Variants in CD5L observed in about 807,000 individuals in gnomAD.
The protein encoded by CD5L is CD5 antigen-like.
Under a neutral mutation model 40.8 loss-of-function variants are expected in CD5L, and 39 were observed. The ratio of observed to expected loss-of-function variants is 0.96; its 90% CI spans 0.74 to 1.25. The LOEUF is 1.25. Ranked by LOEUF, CD5L falls within the 50% of genes most tolerant of loss-of-function variation. The probability of loss-of-function intolerance (pLI) is 0.00; values close to 1 mark genes in which losing one functional copy is unlikely to be tolerated. For missense variants in CD5L, 433 were observed against 435.9 expected (o/e 0.99, Z 0.06); for synonymous variants, 192 against 169.6 (o/e 1.13, Z -1.03).
At chr1:157,840,694 A>G (rs2101942066) in intron 1 of CD5L, among the ~76,000 whole-genome samples, 1 of 152,332 alleles carries the variant, frequency 6.6e-6, no homozygotes, top group Admixed American at 6.5e-5. Context: ...GCAGGTGCAA[A>G]CGTGATATAG....
chr1:157,831,280 A>AT lies in CD5L; in HGVS notation c.*683dup. The AT allele has an allele frequency of 3.0e-6, 3 of 985,364 alleles. No homozygotes were observed. Among genetic ancestry groups the AT allele is most frequent in the Non-Finnish European group, 3.6e-6 (3 of 829,904 alleles). 61.0% of individuals were successfully genotyped at this position (985,364 alleles called of 1,614,324 possible). A position where few individuals can be genotyped will look rare whatever the true frequency, so the allele number is the denominator to read the frequency against. On this transcript the variant is annotated 3_prime_UTR_variant, in exon 6 of 6. Transcript: ENST00000368174. ...GGTTGTATAGGGATGGACAACAAAG[A>AT]TTTTTATTGGGGCAATCAGAGGATG...
At chr1:157,834,033 G>A (rs1363772602) in intron 4 of CD5L, among the ~76,000 whole-genome samples, 2 of 151,948 alleles carry the variant, frequency 1.3e-5, no homozygotes, top group Non-Finnish European at 2.9e-5. Flanking sequence ...TGTCCAGGTC[G>A]ACTTCTCTCA....
rs1656139288 is a variant in CD5L, at chr1:157,834,467, A to C, written c.658T>G (p.Ser220Ala). 6.2e-7 allele frequency: 1 copy of C among 1,614,208 alleles called. No homozygotes were observed. Among genetic ancestry groups the C allele is most frequent in the African/African-American group, 1.3e-5 (1 of 75,054 alleles). ...GREATLQDCP[S>A]GPWGKNTCNH... is the part of the protein sequence containing the mutation. ...CAGGTGTTCTTCCCCCAAGGCCCAG[A>C]AGGGCAATCCTGAAGGGTTGCTTCT... Residue 220 changes from serine to alanine, a missense_variant, in exon 4 of 6, where the codon TCT (serine) becomes GCT (alanine). By Grantham distance (99) the Ser-to-Ala change is moderately conservative. Coordinates refer to ENST00000368174, the MANE Select transcript of CD5L (RefSeq NM_005894.3).
At chr1:157,836,247 T>C (rs1400738229) in intron 2 of CD5L, 92 bp from the exon 3 acceptor site, 5 of 1,032,430 alleles carry the variant, frequency 4.8e-6, no homozygotes, top group Non-Finnish European at 7.1e-6. Context: ...CTTCCACCAT[T>C]CAAATGGTGC....
At chr1:157,834,809 G>A (rs1656155425) in intron 3 of CD5L, 61 bp from the exon 4 acceptor site, 3 of 1,352,694 alleles carry the variant, frequency 2.2e-6, no homozygotes, top group East Asian at 4.6e-5. Flanking sequence ...CTCAGTAAAG[G>A]CGGCCCAATG....
intron 1 of CD5L, among the ~76,000 whole-genome samples, chr1:157,840,598 G>T (rs776881849): frequency 6.6e-6 from 1 of 152,094 alleles, no homozygotes; most frequent in Admixed American, 6.5e-5. Context: ...AAAACTCAAG[G>T]TTATATTATA....
chr1:157,841,551 A>G (rs1380030325), intron 1 of CD5L, 123 bp downstream of exon 1: 1 of 763,994 alleles, frequency 1.3e-6, no homozygotes, highest in Non-Finnish European at 2.1e-6. Context: ...AAATGTAAAA[A>G]GGAGGAAGAA....
Position 157,834,592 on chromosome 1 carries a change from T to G in CD5L, c.533A>C (p.Gln178Pro). The change falls in exon 4 of 6, where the codon CAG becomes CCG. Residue 178 changes from glutamine to proline, a missense_variant. Gln to Pro is a moderately conservative substitution (Grantham distance 76). Transcript: ENST00000368174. ...CAGTACAGCCCTCCCACATCCCAGCTGCCGGCACACCACCTTTGCGGCCCG... is the reference window on the plus strand; with the variant it reads ...CAGTACAGCCCTCCCACATCCCAGCGGCCGGCACACCACCTTTGCGGCCCG... ...SLRAAKVVCR[Q>P]LGCGRAVLTQ... is the part of the protein sequence containing the mutation. The G allele has an allele frequency of 3.7e-6, 6 of 1,614,178 alleles. No homozygotes were observed. The highest frequency in any genetic ancestry group is 4.2e-6 in the Non-Finnish European group (5 of 1,180,034).
intron 2 of CD5L, among the ~76,000 whole-genome samples, chr1:157,837,804 C>T (rs1571453396): frequency 7.3e-6 from 1 of 136,976 alleles, no homozygotes; most frequent in East Asian, 2.1e-4. Context: ...GAGACAGAGT[C>T]TCACTCTGTC....
In CD5L at chr1:157,831,181, C is replaced by T; in HGVS notation, c.*783G>A. ...CTCTTTCTTGACCTTTTCCCAGTAA[C>T]CAATATATTTTTCTTTGAATAAAGT... On this transcript the variant is annotated 3_prime_UTR_variant, in exon 6 of 6. Coordinates refer to ENST00000368174, the MANE Select transcript of CD5L (RefSeq NM_005894.3). 1 of 985,210 alleles carries T rather than the reference C, an allele frequency of 1.0e-6. No homozygotes were observed. The highest frequency in any genetic ancestry group is 1.2e-6 in the Non-Finnish European group (1 of 829,746). 61.0% of individuals were successfully genotyped at this position (985,210 alleles called of 1,614,324 possible).
At chr1:157,829,153 T>C (rs951064206), downstream of CD5L, among the ~76,000 whole-genome samples, 2 of 152,292 alleles carry the variant, frequency 1.3e-5, no homozygotes, top group South Asian at 2.1e-4. Context: ...AAGAGTAGCA[T>C]GAGATGAGGT....
intron 2 of CD5L, among the ~76,000 whole-genome samples, chr1:157,837,279 C>A (rs1053249800): frequency 6.6e-6 from 1 of 151,848 alleles, no homozygotes; most frequent in Non-Finnish European, 1.5e-5. Context: ...CCAAGACATG[C>A]AAGGAGAGTG....
chr1:157,838,407 T>C (rs1052244166), intron 2 of CD5L, among the ~76,000 whole-genome samples: 5 of 152,168 alleles, frequency 3.3e-5, no homozygotes, highest in Admixed American at 6.5e-5. Flanking sequence ...AGAGTTTGGA[T>C]TGGCATTATT....
At chr1:157,838,157 AT>A (rs1656271196) in intron 2 of CD5L, among the ~76,000 whole-genome samples, 1 of 152,246 alleles carries the variant, frequency 6.6e-6, no homozygotes, top group East Asian at 1.9e-4. Context: ...CTTTGCTTAA[AT>A]TTTTTTGGGA....
At position 157,831,785 on chromosome 1, in the gene CD5L, C is replaced by A; in HGVS notation, c.*179G>T. The A allele has an allele frequency of 7.6e-7, 1 of 1,315,852 alleles. No homozygotes were observed. The highest frequency in any genetic ancestry group is 2.7e-5 in the South Asian group (1 of 36,746). The allele number at this position is 1,315,852 out of a possible 1,614,324, so 81.5% of individuals were successfully genotyped here. A position where few individuals can be genotyped will look rare whatever the true frequency, so the allele number is the denominator to read the frequency against. On this transcript the variant is annotated 3_prime_UTR_variant, in exon 6 of 6. Transcript: ENST00000368174. ...CTCAACAGCTCACATCTACAGGCAGCAATGGGGGCTGCTTGTCCCTGAGAG... is the reference window on the plus strand; with the variant it reads ...CTCAACAGCTCACATCTACAGGCAGAAATGGGGGCTGCTTGTCCCTGAGAG...
In CD5L at chr1:157,834,546, C is replaced by T. The variant is rs1438758357; in HGVS notation, c.579G>A (p.Lys193=). The T allele has an allele frequency of 6.2e-7, 1 of 1,614,202 alleles. No homozygotes were observed. Among genetic ancestry groups the T allele is most frequent in the Admixed American group, 1.7e-5 (1 of 60,026 alleles). ...RAVLTQKRCN[K]HAYGRKPIWL... ...AGATGGGTTTTCGGCCATAGGCATG[C>T]TTGTTGCAGCGTTTTTGAGTCAGTA... Residue 193 remains lysine (K), a synonymous_variant, in exon 4 of 6, where the codon AAG becomes AAA. Transcript: ENST00000368174.
downstream of CD5L, among the ~76,000 whole-genome samples, chr1:157,827,122 T>C (rs1254132956): frequency 6.6e-6 from 1 of 152,216 alleles, no homozygotes; most frequent in African/African-American, 2.4e-5. Flanking sequence ...CAGAATTTTA[T>C]ATCTAATTAG....
rs775142026 is a variant in CD5L, at chr1:157,841,667, T to C, written c.28+7A>G. 1.9e-6 allele frequency: 3 copies of C among 1,612,994 alleles called. No homozygotes were observed. The South Asian group carries it at 3.3e-5, about 18-fold the overall frequency. ...AAGCCTAAACCAACAGGTGCAGAGA[T>C]ACTCACCAAGGATCAAGGAGAATAG... On this transcript the variant is annotated splice_region_variant and intron_variant, in intron 1 of 5. Coordinates refer to ENST00000368174, the MANE Select transcript of CD5L (RefSeq NM_005894.3).
At position 157,833,256 on chromosome 1, in the gene CD5L, G is replaced by A. The variant is rs1484414919; in HGVS notation, c.975C>T (p.Cys325=). ...CGTGAAACCCCCAAAATCTGTGCTG[G>A]CACTGCTCCAGGGACTGCTCCTCCC... ...CSGEEQSLEQ[C]QHRFWGFHDC... The change falls in exon 5 of 6, where the codon TGC becomes TGT. Residue 325 remains cysteine, a synonymous_variant. Transcript: ENST00000368174. 6.2e-7 allele frequency: 1 copy of A among 1,614,130 alleles called. No homozygotes were observed. Among genetic ancestry groups the A allele is most frequent in the Non-Finnish European group, 8.5e-7 (1 of 1,180,016 alleles).
Sources: allele counts gnomAD v4.1 joint callset (sites outside exome capture counted in the v4.1 genomes callset), GRCh38; gene constraint gnomAD v4.1.1; transcripts MANE v1.5; gene names NCBI Gene and HGNC (gene_info 2026-07-23, HGNC 2026-07-21).